Variants in RAPGEF2 observed in about 807,000 individuals in gnomAD.
The protein encoded by RAPGEF2 is PDZ domain containing guanine nucleotide exchange factor (GEF) 1.
Under a neutral mutation model 186.7 loss-of-function variants are expected in RAPGEF2, and 54 were observed. The observed-to-expected ratio is 0.29, with a 90% CI of 0.23 to 0.36. The LOEUF (loss-of-function observed/expected upper bound fraction) is 0.36, where lower values mean the gene tolerates loss of function less well. Ranked by LOEUF, RAPGEF2 falls within the 10% of genes least tolerant of loss-of-function variation. The pLI is 1.00. For missense variants in RAPGEF2, 1,532 were observed against 2,045.0 expected (o/e 0.75, Z 4.84); for synonymous variants, 712 against 705.9 (o/e 1.01, Z -0.14).
intron 7 of RAPGEF2, among the ~76,000 whole-genome samples, chr4:159,279,218 A>G: frequency 6.6e-6 from 1 of 152,246 alleles, no homozygotes; most frequent in East Asian, 1.9e-4. Context: ...AAATCAGGAC[A>G]TAGAGAGGTA....
intron 7 of RAPGEF2, chr4:159,268,283 G>T: frequency 7.6e-7 from 1 of 1,318,504 alleles, no homozygotes; most frequent in Non-Finnish European, 1.1e-6. Flanking sequence ...AATGGGAATT[G>T]TTGCTCTTTC....
chr4:159,332,667 G>A lies in RAPGEF2; in HGVS notation c.2105G>A (p.Arg702Gln), dbSNP rs370516510. 29 of 1,613,928 alleles carry A rather than the reference G, an allele frequency of 1.8e-5. No individual in the cohort carries two copies. Among genetic ancestry groups the A allele is most frequent in the Non-Finnish European group, 2.4e-5 (28 of 1,179,990 alleles). ...CTGAAAAAGATACTCGACAAGACTC[G>A]GATCAGTATCTTGCCACAGAAACCA... The part of the protein sequence containing the change: ...NKLKKILDKT[R>Q]ISILPQKPYN... Residue 702 changes from arginine (R) to glutamine (Q), a missense_variant, in exon 17 of 30, where the codon CGG (arginine) becomes CAG (glutamine). This residue lies in a region of RAPGEF2 where 810 missense variants were observed against 1,210.5 expected (regional missense o/e 0.67). Transcript: ENST00000691494.
intron 7 of RAPGEF2, among the ~76,000 whole-genome samples, chr4:159,253,785 G>A (rs961017152): frequency 1.3e-5 from 2 of 152,036 alleles, no homozygotes; most frequent in African/African-American, 2.4e-5. Context: ...TGGCTAATAC[G>A]GTGAAACCCC....
rs1411795531 is a variant in RAPGEF2, at chr4:159,346,910, A to G, written c.3624A>G (p.Ala1208=). 1 of 1,614,208 alleles carries G rather than the reference A, an allele frequency of 6.2e-7. No homozygotes were observed. Among genetic ancestry groups the G allele is most frequent in the Admixed American group, 1.7e-5 (1 of 60,022 alleles). The stretch of plus-strand genomic sequence containing the variant: ...AGCCCCAGCAGCAGCCACCACCAGC[A>G]CATAAAATCAACCAGGGACTACAGG... The part of the protein sequence containing the change: ...LPQPQQQPPP[A]HKINQGLQVP... The change falls in exon 25 of 30, where the codon GCA becomes GCG. Residue 1208 remains alanine (A), a synonymous_variant. Coordinates refer to ENST00000691494, the MANE Select transcript of RAPGEF2 (RefSeq NM_001394067.2).
chr4:159,221,699 T>G (rs1270113544), intron 4 of RAPGEF2, among the ~76,000 whole-genome samples: 1 of 152,242 alleles, frequency 6.6e-6, no homozygotes, highest in African/African-American at 2.4e-5. Flanking sequence ...CATTCTACAT[T>G]GGCTTAGCCA....
At position 159,331,681 on chromosome 4, in the gene RAPGEF2, A is replaced by C; in HGVS notation, c.1627A>C (p.Lys543Gln). ...LLNIACAAKAKRRLMTLTKPS... is the reference protein window; with the variant it reads ...LLNIACAAKAQRRLMTLTKPS... Reference sequence around the variant, plus strand: ...GAATATCGCGTGTGCTGCTAAAGCAAAAAGAAGATTGATGACGTTAACAAA... The same window carrying C: ...GAATATCGCGTGTGCTGCTAAAGCACAAAGAAGATTGATGACGTTAACAAA... The change falls in exon 15 of 30, where the codon AAA (lysine) becomes CAA (glutamine). Residue 543 changes from lysine (K) to glutamine (Q), a missense_variant. Coordinates refer to ENST00000691494, the MANE Select transcript of RAPGEF2 (RefSeq NM_001394067.2). 1.9e-6 allele frequency: 3 copies of C among 1,614,186 alleles called. No individual in the cohort carries two copies. The highest frequency in any genetic ancestry group is 1.7e-6 in the Non-Finnish European group (2 of 1,180,010).
intron 9 of RAPGEF2, among the ~76,000 whole-genome samples, chr4:159,319,426 C>A (rs1764981880): frequency 6.6e-6 from 1 of 152,014 alleles, no homozygotes; most frequent in Non-Finnish European, 1.5e-5. Flanking sequence ...CCCCCCGCAC[C>A]CACCAAGAGT....
chr4:159,268,352 G>A, intron 7 of RAPGEF2: 1 of 624,910 alleles, frequency 1.6e-6, no homozygotes, highest in Admixed American at 3.4e-5. Context: ...AGGAGGGGAG[G>A]GTGCATTAAA....
intron 4 of RAPGEF2, among the ~76,000 whole-genome samples, chr4:159,216,706 C>T (rs182349575): frequency 1.2e-3 from 176 of 152,176 alleles, no homozygotes; most frequent in Non-Finnish European, 2.0e-3. Context: ...AATTAGGTCT[C>T]AGGTAACACT....
rs570922801 is a variant in RAPGEF2 at position 159,350,877 on chromosome 4, A to G, written c.3865+588A>G. Among the ~76,000 whole-genome samples, 3 of 152,368 alleles carry G rather than the reference A, an allele frequency of 2.0e-5. No homozygotes were observed. The East Asian group carries it at 5.8e-4, about 29-fold the overall frequency. On this transcript the variant is annotated intron_variant, in intron 26 of 29. Coordinates refer to ENST00000691494, the MANE Select transcript of RAPGEF2 (RefSeq NM_001394067.2). ...GAGTGTAAGCCAATAATAAATGGCTAGGACGTAGTTTTCCCTAAAGGAAAG... is the reference window on the plus strand; with the variant it reads ...GAGTGTAAGCCAATAATAAATGGCTGGGACGTAGTTTTCCCTAAAGGAAAG...
chr4:159,335,009 T>C (rs1767205616), intron 17 of RAPGEF2, among the ~76,000 whole-genome samples: 2 of 152,202 alleles, frequency 1.3e-5, no homozygotes. Context: ...TGATTTATAC[T>C]ATACTAGCTA....
chr4:159,269,829 G>C (rs929477801), intron 7 of RAPGEF2, among the ~76,000 whole-genome samples: 3 of 152,142 alleles, frequency 2.0e-5, no homozygotes, highest in African/African-American at 7.2e-5. Flanking sequence ...GCAACATAGT[G>C]AAATCCATCT....
At chr4:159,163,066 T>G (rs555876761) in intron 1 of RAPGEF2, among the ~76,000 whole-genome samples, 1 of 152,200 alleles carries the variant, frequency 6.6e-6, no homozygotes, top group Non-Finnish European at 1.5e-5. Context: ...TGCTGAGCTT[T>G]GTAAAGGGCT....
rs1738129805 is a variant in RAPGEF2, at chr4:159,108,408, A to G, written c.69+4177A>G. Among the ~76,000 whole-genome samples the G allele has an allele frequency of 2.1e-5, 3 of 139,562 alleles. No homozygotes were observed. In the Admixed American group the frequency reaches 2.2e-4, roughly 10 times the overall value. The allele number at this position is 139,562 out of a possible 152,430, so 91.6% of individuals were successfully genotyped here. On this transcript the variant is annotated intron_variant, in intron 1 of 29. Transcript: ENST00000691494. ...CTTTTTTTTTTTTTTTTTTTTTTTA[A>G]GGAGAAGATGACCACCTTGGTTTTT...
chr4:159,173,192 T>C (rs1579370206), intron 1 of RAPGEF2, among the ~76,000 whole-genome samples: 1 of 152,206 alleles, frequency 6.6e-6, no homozygotes, highest in African/African-American at 2.4e-5. Context: ...TATTTTTGTC[T>C]TTTGTCCTAG....
At chr4:159,158,430 C>T (rs1744350347) in intron 1 of RAPGEF2, among the ~76,000 whole-genome samples, 1 of 152,164 alleles carries the variant, frequency 6.6e-6, no homozygotes, top group Non-Finnish European at 1.5e-5. Flanking sequence ...TCTCCAGTCT[C>T]CCAACAGGCA....
Position 159,267,806 on chromosome 4 carries a change from T to C in RAPGEF2, c.543+24015T>C, listed in dbSNP as rs867350737. ...TAGCTTTTTTCTTTTTTTTTTTTTT[T>C]TCCTCTCCTTTTCTTTTGCCTCTTG... On this transcript the variant is annotated intron_variant, in intron 7 of 29. Transcript: ENST00000691494. 23 of 1,018,086 alleles carry C rather than the reference T, an allele frequency of 2.3e-5. No homozygotes were observed. The Middle Eastern group carries it at 1.4e-3, about 64-fold the overall frequency. 63.1% of individuals were successfully genotyped at this position (1,018,086 alleles called of 1,614,324 possible).
chr4:159,183,400 T>G (rs563605579), intron 1 of RAPGEF2, among the ~76,000 whole-genome samples: 2 of 152,312 alleles, frequency 1.3e-5, no homozygotes, highest in East Asian at 3.9e-4. Context: ...TACTTCACAC[T>G]GTATACAAAA....
intron 4 of RAPGEF2, among the ~76,000 whole-genome samples, chr4:159,213,556 G>A (rs1434704966): frequency 4.6e-5 from 7 of 152,110 alleles, no homozygotes; most frequent in South Asian, 4.1e-4. Context: ...GATTTCATCC[G>A]GTGAAAAGGA....
Sources: allele counts gnomAD v4.1 joint callset (sites outside exome capture counted in the v4.1 genomes callset), GRCh38; gene constraint gnomAD v4.1.1; regional missense constraint gnomAD v4.1.1; transcripts MANE v1.5; gene names NCBI Gene and HGNC (gene_info 2026-07-23, HGNC 2026-07-21).